The following ANKMY1 variants were observed in gnomAD, a reference collection of about 807,000 sequenced individuals.
The protein encoded by ANKMY1 is ankyrin repeat and MYND domain-containing protein 1.
A neutral mutation model predicts 102.0 loss-of-function variants in ANKMY1; 98 were observed. That is an observed-to-expected ratio of 0.96 (90% CI 0.82 to 1.14). ANKMY1 has a LOEUF of 1.14. ANKMY1 is among the 50% of genes most tolerant of loss of function. The probability of loss-of-function intolerance (pLI) is 0.00; values close to 1 mark genes in which losing one functional copy is unlikely to be tolerated. For synonymous variants in ANKMY1, 582 were observed against 559.9 expected, an observed-to-expected ratio of 1.04 and a Z score of -0.56; for missense variants, 1,330 against 1,347.6, an observed-to-expected ratio of 0.99 and a Z score of 0.20.
intron 4 of ANKMY1, among the ~76,000 whole-genome samples, chr2:240,549,026 TA>T (rs2090997214): frequency 1.3e-5 from 2 of 151,940 alleles, no homozygotes; most frequent in African/African-American, 2.4e-5. Context: ...TTAAAGTTCA[TA>T]TGGAATCAAA....
At position 240,499,930 on chromosome 2, in the gene ANKMY1, G is replaced by A. The variant is rs772885939; in HGVS notation, c.2806+28C>T. 5 of 1,588,700 alleles carry A rather than the reference G, an allele frequency of 3.1e-6. No individual in the cohort carries two copies. Among genetic ancestry groups the A allele is most frequent in the Non-Finnish European group, 4.3e-6 (5 of 1,162,996 alleles). The stretch of plus-strand genomic sequence containing the variant: ...CGAGGCCGGAACGCCGCCCTGTGGA[G>A]CAGAGCAGAGCAGGGCCCACTGCTC... On this transcript the variant is annotated intron_variant, in intron 15 of 17. Transcript: ENST00000401804. The surrounding 1 kb of genome is among the most constrained non-coding windows in gnomAD (Gnocchi z 4.2).
chr2:240,559,497 G>C (rs1234797936), upstream of ANKMY1, among the ~76,000 whole-genome samples: 1 of 152,238 alleles, frequency 6.6e-6, no homozygotes, highest in African/African-American at 2.4e-5. Context: ...GCAGTCACGG[G>C]AGTGTGGCCT....
At chr2:240,530,916 A>C (rs998143009) in intron 4 of ANKMY1, among the ~76,000 whole-genome samples, 9 of 151,158 alleles carry the variant, frequency 6.0e-5, no homozygotes. Flanking sequence ...CTGTCTCAAT[A>C]AATACATAAA....
intron 15 of ANKMY1, among the ~76,000 whole-genome samples, chr2:240,489,853 T>A (rs2076444105): frequency 6.6e-6 from 1 of 152,344 alleles, no homozygotes; most frequent in Middle Eastern, 3.4e-3. Flanking sequence ...TTCTTCTTTA[T>A]ATATTTGGTA....
intron 4 of ANKMY1, among the ~76,000 whole-genome samples, chr2:240,535,983 T>C (rs2086635189): frequency 6.6e-6 from 1 of 152,202 alleles, no homozygotes; most frequent in Admixed American, 6.5e-5. Flanking sequence ...AAAGTCTGGG[T>C]CATAAAGCAA....
intron 4 of ANKMY1, among the ~76,000 whole-genome samples, chr2:240,532,582 A>C (rs1409865811): frequency 5.9e-5 from 9 of 152,204 alleles, no homozygotes; most frequent in Non-Finnish European, 1.3e-4. Flanking sequence ...TGACTATAAT[A>C]AGTTCTCAGA....
chr2:240,560,753 G>A (rs760505115), upstream of ANKMY1: 25 of 1,500,308 alleles, frequency 1.7e-5, no homozygotes, highest in Middle Eastern at 2.0e-4. Flanking sequence ...TGCGCGTCGC[G>A]CCCTCACTCT....
intron 13 of ANKMY1, among the ~76,000 whole-genome samples, chr2:240,503,988 C>T (rs943482018): frequency 1.2e-4 from 19 of 152,336 alleles, no homozygotes; most frequent in African/African-American, 4.6e-4. Flanking sequence ...GAGGTCTGCA[C>T]CAGGGTCACA....
chr2:240,532,649 A>T (rs1361283746), intron 4 of ANKMY1, among the ~76,000 whole-genome samples: 1 of 152,208 alleles, frequency 6.6e-6, no homozygotes, highest in Non-Finnish European at 1.5e-5. Flanking sequence ...TATGACTAAC[A>T]TGTAAAAAGC....
At chr2:240,478,022 G>A (rs2074970643), downstream of ANKMY1, among the ~76,000 whole-genome samples, 1 of 152,090 alleles carries the variant, frequency 6.6e-6, no homozygotes, top group Non-Finnish European at 1.5e-5. Flanking sequence ...TGGATCCCGG[G>A]GGCAGACTTC....
At chr2:240,475,735 T>G (rs2074810361), downstream of ANKMY1, among the ~76,000 whole-genome samples, 1 of 151,950 alleles carries the variant, frequency 6.6e-6, no homozygotes, top group Non-Finnish European at 1.5e-5. Context: ...AATTCATTAT[T>G]ACGTCTAACA....
chr2:240,537,181 C>T (rs189265397), intron 4 of ANKMY1, among the ~76,000 whole-genome samples: 1 of 152,212 alleles, frequency 6.6e-6, no homozygotes, highest in Non-Finnish European at 1.5e-5. Context: ...GTCAGGCCCC[C>T]ACCCTCACCT....
chr2:240,540,531 C>A (rs779426048), intron 4 of ANKMY1, among the ~76,000 whole-genome samples: 2 of 152,188 alleles, frequency 1.3e-5, no homozygotes, highest in Non-Finnish European at 2.9e-5. Context: ...AGACTCCAGG[C>A]CCCTCATTCA....
intron 2 of ANKMY1, among the ~76,000 whole-genome samples, chr2:240,556,929 G>A (rs935363744): frequency 6.6e-6 from 1 of 152,204 alleles, no homozygotes. Flanking sequence ...TGAGGGAAAC[G>A]TTCCCTCCCT....
Position 240,557,181 on chromosome 2 carries a change from C to T in ANKMY1, c.146+9G>A. 1 of 1,509,932 alleles carries T rather than the reference C, an allele frequency of 6.6e-7. No individual in the cohort carries two copies. The highest frequency in any genetic ancestry group is 1.3e-5 in the South Asian group (1 of 78,636). 93.5% of individuals were successfully genotyped at this position (1,509,932 alleles called of 1,614,324 possible). A position where few individuals can be genotyped will look rare whatever the true frequency, so the allele number is the denominator to read the frequency against. ...GGGTCGGACCTCCCCGCTGGAGGGTCCCCCGCACCTTGTGGCGAAGACAGC... is the reference window on the plus strand; with the variant it reads ...GGGTCGGACCTCCCCGCTGGAGGGTTCCCCGCACCTTGTGGCGAAGACAGC... On this transcript the variant is annotated intron_variant, in intron 2 of 17. Coordinates refer to ENST00000401804, the MANE Select transcript of ANKMY1 (RefSeq NM_001282771.3).
chr2:240,508,382 A>G (rs973117343), intron 12 of ANKMY1, among the ~76,000 whole-genome samples: 1 of 152,262 alleles, frequency 6.6e-6, no homozygotes, highest in Non-Finnish European at 1.5e-5. Context: ...GGAGAGAAGA[A>G]AGCAGGGAGC....
At chr2:240,497,278 C>T (rs1011113481) in intron 15 of ANKMY1, among the ~76,000 whole-genome samples, 3 of 152,358 alleles carry the variant, frequency 2.0e-5, no homozygotes, top group Non-Finnish European at 2.9e-5. Context: ...ATGGTGCCGC[C>T]ACCTCCTGGC....
chr2:240,547,971 C>T (rs541501599), intron 4 of ANKMY1, among the ~76,000 whole-genome samples: 45 of 152,274 alleles, frequency 3.0e-4, no homozygotes, highest in Non-Finnish European at 4.9e-4. Flanking sequence ...TGAAGCTATT[C>T]GAATCAATAA....
chr2:240,487,232 T>A (rs1162573779), intron 15 of ANKMY1, among the ~76,000 whole-genome samples: 2 of 152,242 alleles, frequency 1.3e-5, no homozygotes, highest in Non-Finnish European at 2.9e-5. Context: ...ACATATGATA[T>A]TTGTCTTTTT....
Sources: allele counts gnomAD v4.1 joint callset (sites outside exome capture counted in the v4.1 genomes callset), GRCh38; gene constraint gnomAD v4.1.1; non-coding constraint Gnocchi (gnomAD v3.1); transcripts MANE v1.5; gene names NCBI Gene and HGNC (gene_info 2026-07-23, HGNC 2026-07-21).